ITFG1: variants seen among roughly 807,000 people sequenced by gnomAD.
The protein encoded by ITFG1 is T-cell immunomodulatory protein.
In ITFG1, 34 loss-of-function variants were observed where a neutral mutation model predicts 81.8. The observed-to-expected ratio is 0.42, with a 90% CI of 0.32 to 0.55. The LOEUF is 0.55. ITFG1 is among the 20% of genes least tolerant of loss of function. The pLI is 0.17. For missense variants in ITFG1, 672 were observed against 755.4 expected (o/e 0.89, Z 1.29); for synonymous variants, 285 against 270.6 (o/e 1.05, Z -0.52).
intron 8 of ITFG1, among the ~76,000 whole-genome samples, chr16:47,325,222 C>T (rs1395950170): frequency 6.6e-6 from 1 of 152,148 alleles, no homozygotes; most frequent in African/African-American, 2.4e-5. Context: ...TCCTGAGTGA[C>T]CACTGGGTAC....
chr16:47,442,379 T>C (rs1168924880), intron 5 of ITFG1, among the ~76,000 whole-genome samples: 3 of 151,928 alleles, frequency 2.0e-5, no homozygotes, highest in African/African-American at 4.8e-5. Context: ...CCAAGTCATA[T>C]GGAACCAAAA....
chr16:47,437,662 GCTAT>G (rs1193214208), intron 5 of ITFG1, among the ~76,000 whole-genome samples: 1 of 152,190 alleles, frequency 6.6e-6, no homozygotes, highest in Admixed American at 6.5e-5. Context: ...GTCTCATTCA[GCTAT>G]CTTTCTACAT....
chr16:47,331,634 T>C (rs28450418), intron 8 of ITFG1, among the ~76,000 whole-genome samples: 18,019 of 152,080 alleles, frequency 0.12, 2,314 homozygotes, highest in African/African-American at 0.33. Flanking sequence ...ACCTTTCAGA[T>C]CCTTTTATAA....
In ITFG1 at chr16:47,229,514, G is replaced by A. The variant is rs551963071; in HGVS notation, c.1374+8451C>T. ...GCTAGATTTAGATCATCTCTCAAGG[G>A]TAAAGGGTAGCCACTGAAGGTTTGT... is the stretch of plus-strand genomic sequence containing the variant. On this transcript the variant is annotated intron_variant, in intron 13 of 17. Transcript: ENST00000320640. Among the ~76,000 whole-genome samples the A allele has an allele frequency of 3.3e-5, 5 of 152,098 alleles. No homozygotes were observed. The South Asian group carries it at 1.0e-3, about 32-fold the overall frequency.
At chr16:47,409,404 ATTTTTTT>A (rs1187071917) in intron 6 of ITFG1, among the ~76,000 whole-genome samples, 2 of 6,090 alleles carry the variant, frequency 3.3e-4, no homozygotes, top group African/African-American at 1.1e-3. Flanking sequence ...ATATATATAT[ATTTTTTT>A]TTTTTTTTTT....
At chr16:47,159,972 A>G (rs1318759739) in intron 16 of ITFG1, among the ~76,000 whole-genome samples, 2 of 152,114 alleles carry the variant, frequency 1.3e-5, no homozygotes, top group African/African-American at 2.4e-5. Context: ...TAAGAGAAAC[A>G]TGAAAAATGT....
At chr16:47,175,944 T>C (rs944253078) in intron 14 of ITFG1, among the ~76,000 whole-genome samples, 3 of 152,202 alleles carry the variant, frequency 2.0e-5, no homozygotes, top group Admixed American at 6.5e-5. Context: ...GTGTGCTTCA[T>C]TGGTGTGTCT....
intron 14 of ITFG1, among the ~76,000 whole-genome samples, chr16:47,181,129 TG>T (rs1281407416): frequency 7.0e-6 from 1 of 142,526 alleles, no homozygotes; most frequent in Non-Finnish European, 1.5e-5. Context: ...GTCTGAGATG[TG>T]GGGAGCGCCG....
intron 7 of ITFG1, among the ~76,000 whole-genome samples, chr16:47,374,848 A>T (rs1299538347): frequency 6.6e-6 from 1 of 152,100 alleles, no homozygotes. Flanking sequence ...GCAACCCCCC[A>T]TCGTAGTTTC....
intron 8 of ITFG1, among the ~76,000 whole-genome samples, chr16:47,350,074 G>C (rs1183206019): frequency 6.6e-6 from 1 of 152,160 alleles, no homozygotes; most frequent in Non-Finnish European, 1.5e-5. Context: ...AGTGTGTAGA[G>C]GGAAATTTAT....
intron 10 of ITFG1, among the ~76,000 whole-genome samples, chr16:47,276,860 T>A (rs993203203): frequency 1.3e-5 from 2 of 152,158 alleles, no homozygotes; most frequent in Non-Finnish European, 2.9e-5. Context: ...TACACAAAAA[T>A]AAAGTTTAGG....
At chr16:47,158,711 G>A (rs892956927) in intron 17 of ITFG1, among the ~76,000 whole-genome samples, 162 bp downstream of exon 17, 2 of 152,064 alleles carry the variant, frequency 1.3e-5, no homozygotes, top group African/African-American at 4.8e-5. Context: ...AGGGATAAAA[G>A]AAATTATCAT....
chr16:47,320,477 T>C (rs936096971), intron 8 of ITFG1, among the ~76,000 whole-genome samples: 2 of 152,332 alleles, frequency 1.3e-5, no homozygotes, highest in East Asian at 1.9e-4. Context: ...TATTTTGATA[T>C]ACAATTGTGA....
chr16:47,386,979 A>G lies in ITFG1; in HGVS notation c.656-11039T>C, dbSNP rs548807721. On this transcript the variant is annotated intron_variant, in intron 6 of 17. Coordinates refer to ENST00000320640, the MANE Select transcript of ITFG1 (RefSeq NM_030790.5). Reference sequence around the variant, plus strand: ...AGAGAACTAGGGAATGAAGATCTACAGATAACCTTCCTGAAGTCTGGACAA... The same window carrying G: ...AGAGAACTAGGGAATGAAGATCTACGGATAACCTTCCTGAAGTCTGGACAA... Among the ~76,000 whole-genome samples the G allele has an allele frequency of 2.6e-5, 4 of 152,358 alleles. No individual in the cohort carries two copies. The South Asian group carries it at 6.2e-4, about 24-fold the overall frequency.
intron 13 of ITFG1, among the ~76,000 whole-genome samples, chr16:47,228,244 A>G (rs1965777624): frequency 1.3e-5 from 2 of 152,246 alleles, no homozygotes; most frequent in African/African-American, 4.8e-5. Flanking sequence ...TGTCAAATAA[A>G]TCAGTTATAA....
intron 17 of ITFG1, 39 bp downstream of exon 17, chr16:47,158,834 A>T: frequency 8.8e-7 from 1 of 1,133,412 alleles, no homozygotes; most frequent in Non-Finnish European, 1.3e-6. Flanking sequence ...TTACTAGAAT[A>T]AATTAACCAA....
chr16:47,344,116 G>C (rs1409912154), intron 8 of ITFG1, among the ~76,000 whole-genome samples: 1 of 152,138 alleles, frequency 6.6e-6, no homozygotes, highest in Non-Finnish European at 1.5e-5. Flanking sequence ...GAGGTTATCA[G>C]AATGAGGAAT....
chr16:47,392,494 A>C (rs1191745045), intron 6 of ITFG1, among the ~76,000 whole-genome samples: 1 of 152,212 alleles, frequency 6.6e-6, no homozygotes, highest in African/African-American at 2.4e-5. Flanking sequence ...CAGGCTGTGC[A>C]GAACCCTGTG....
intron 10 of ITFG1, among the ~76,000 whole-genome samples, chr16:47,293,213 G>GATATATATTATATATC (rs1199048945): frequency 2.4e-4 from 34 of 142,254 alleles, no homozygotes; most frequent in African/African-American, 8.0e-4. Context: ...ATATAAATAT[G>GATATATATTATATATC]ATATATAAAT....
Sources: allele counts gnomAD v4.1 joint callset (sites outside exome capture counted in the v4.1 genomes callset), GRCh38; gene constraint gnomAD v4.1.1; transcripts MANE v1.5; gene names NCBI Gene and HGNC (gene_info 2026-07-23, HGNC 2026-07-21).